PTPN13: variants seen among roughly 807,000 people sequenced by gnomAD.
PTPN13 encodes the protein tyrosine-protein phosphatase non-receptor type 13.
PTPN13 carries 191 observed loss-of-function variants against 284.0 expected under a neutral mutation model. The ratio of observed to expected loss-of-function variants is 0.67; its 90% CI spans 0.60 to 0.76. The LOEUF (loss-of-function observed/expected upper bound fraction) is 0.76, where lower values mean the gene tolerates loss of function less well. Ranked by LOEUF, PTPN13 falls within the 30% of genes least tolerant of loss-of-function variation. PTPN13 has a pLI of 0.00. For synonymous variants in PTPN13, 986 were observed against 1,022.3 expected, an observed-to-expected ratio of 0.96 and a Z score of 0.68; for missense variants, 2,797 against 2,939.9, an observed-to-expected ratio of 0.95 and a Z score of 1.12.
chr4:86,716,610 T>C lies in PTPN13; in HGVS notation c.1276T>C (p.Ser426Pro). The C allele has an allele frequency of 6.3e-7, 1 of 1,584,102 alleles. No homozygotes were observed. The highest frequency in any genetic ancestry group is 8.6e-7 in the Non-Finnish European group (1 of 1,162,718). Residue 426 changes from serine to proline, a missense_variant, in exon 8 of 48, where the codon TCA (serine) becomes CCA (proline). Transcript: ENST00000411767. ...SESPSIISSE[S>P]DFRQVRRSEA... ...AAGTCCATCTATTATTTCCTCTGAATCAGATTTCAGACAAGGTAGGAGGCA... is the reference window on the plus strand; with the variant it reads ...AAGTCCATCTATTATTTCCTCTGAACCAGATTTCAGACAAGGTAGGAGGCA...
chr4:86,698,955 T>TA (rs1412008006), intron 6 of PTPN13, among the ~76,000 whole-genome samples: 2 of 152,130 alleles, frequency 1.3e-5, no homozygotes, highest in African/African-American at 4.8e-5. Flanking sequence ...ATATTGAAAA[T>TA]ATGAGGAGAT....
At chr4:86,597,051 T>G (rs1232569021) in intron 1 of PTPN13, among the ~76,000 whole-genome samples, 1 of 152,098 alleles carries the variant, frequency 6.6e-6, no homozygotes, top group Non-Finnish European at 1.5e-5. Context: ...TACGACTCAT[T>G]TGAGTTAATA....
chr4:86,803,716 C>T lies in PTPN13; in HGVS notation c.6513C>T (p.Ser2171=). The T allele has an allele frequency of 1.2e-6, 2 of 1,613,520 alleles. No individual in the cohort carries two copies. Among genetic ancestry groups the T allele is most frequent in the Non-Finnish European group, 1.7e-6 (2 of 1,179,584 alleles). The change falls in exon 43 of 48, where the codon TCC becomes TCT. Residue 2171 remains serine, a synonymous_variant. Coordinates refer to ENST00000411767, the MANE Select transcript of PTPN13 (RefSeq NM_080683.3). ...TNHEDSDKDH[S]FLTNDELAVL... is the part of the protein sequence containing the mutation. ...TTGCTGTCTTCCTATTAGATCATTC[C>T]TTTCTGACAAACGATGAGCTCGCTG...
intron 46 of PTPN13, 46 bp from the exon 47 acceptor site, chr4:86,811,000 T>A (rs968768932): frequency 6.4e-7 from 1 of 1,550,842 alleles, no homozygotes; most frequent in Non-Finnish European, 8.9e-7. Context: ...GAGATTCAAA[T>A]CCAGTTATCC....
chr4:86,628,833 C>A (rs1028425361), intron 1 of PTPN13, among the ~76,000 whole-genome samples: 1 of 149,484 alleles, frequency 6.7e-6, no homozygotes, highest in South Asian at 2.2e-4. Flanking sequence ...GACATGAACT[C>A]ATCATTTTTT....
chr4:86,671,103 T>G (rs958373755), intron 2 of PTPN13, among the ~76,000 whole-genome samples: 1 of 152,212 alleles, frequency 6.6e-6, no homozygotes, highest in Non-Finnish European at 1.5e-5. Flanking sequence ...AAGACATGTC[T>G]CAGATTCATA....
intron 2 of PTPN13, among the ~76,000 whole-genome samples, chr4:86,637,626 A>G (rs1723185696): frequency 6.6e-6 from 1 of 151,608 alleles, no homozygotes; most frequent in Non-Finnish European, 1.5e-5. Context: ...ACAAAATTCA[A>G]CAACCCTTCA....
At chr4:86,752,988 A>G (rs1468381893) in intron 19 of PTPN13, 21 bp from the exon 20 acceptor site, 8 of 1,571,894 alleles carry the variant, frequency 5.1e-6, no homozygotes, top group Non-Finnish European at 7.0e-6. Context: ...TGAAATGTCT[A>G]ATATTTAATT....
chr4:86,812,747 GGAGGTGAGGTTA>G (rs1745380107), intron 47 of PTPN13, among the ~76,000 whole-genome samples: 1 of 152,060 alleles, frequency 6.6e-6, no homozygotes, highest in African/African-American at 2.4e-5. Context: ...GAGTGAAGGA[GGAGGTGAGGTTA>G]GAGGGGAGGT....
chr4:86,630,678 A>G (rs1445235240), intron 1 of PTPN13, among the ~76,000 whole-genome samples: 1 of 152,146 alleles, frequency 6.6e-6, no homozygotes, highest in Non-Finnish European at 1.5e-5. Flanking sequence ...AGTGGCATAC[A>G]CAGAGCTCCA....
At chr4:86,792,075 G>A (rs1031563698) in intron 40 of PTPN13, among the ~76,000 whole-genome samples, 27 of 152,050 alleles carry the variant, frequency 1.8e-4, no homozygotes, top group African/African-American at 6.3e-4. Context: ...AAAGGAGCAT[G>A]TTCTAACAAG....
intron 20 of PTPN13, among the ~76,000 whole-genome samples, chr4:86,754,797 A>G (rs1313018982): frequency 6.6e-6 from 1 of 152,110 alleles, no homozygotes; most frequent in African/African-American, 2.4e-5. Flanking sequence ...ATGAATTTAC[A>G]TTGGTTAGTT....
At chr4:86,737,994 C>G (rs1424638984) in intron 15 of PTPN13, among the ~76,000 whole-genome samples, 1 of 152,184 alleles carries the variant, frequency 6.6e-6, no homozygotes, top group Non-Finnish European at 1.5e-5. Flanking sequence ...TCCCAAAGTG[C>G]TGGGATACAG....
rs1229415494 is a variant in PTPN13, at chr4:86,673,404, T to TGGTATGACAAGAGGTATGGGTATG, written c.294+867_294+868insACAAGAGGTATGGGTATGGGTATG. 3.3e-5 allele frequency among the ~76,000 whole-genome samples: 5 copies of TGGTATGACAAGAGGTATGGGTATG among 152,196 alleles called. No individual in the cohort carries two copies. In the East Asian group the frequency reaches 9.7e-4, roughly 29 times the overall value. ...GAAAGGGCATTCTACTCAGAGTAAT[T>TGGTATGACAAGAGGTATGGGTATG]GGTATGGGTAATGACAAGAGGTAAG... On this transcript the variant is annotated intron_variant, in intron 3 of 47. Coordinates refer to ENST00000411767, the MANE Select transcript of PTPN13 (RefSeq NM_080683.3).
At chr4:86,707,424 T>C (rs1731886780) in intron 7 of PTPN13, among the ~76,000 whole-genome samples, 1 of 152,196 alleles carries the variant, frequency 6.6e-6, no homozygotes, top group South Asian at 2.1e-4. Context: ...GCTTAGACTC[T>C]ATGTTGTGCA....
chr4:86,662,735 C>T (rs1437507306), intron 2 of PTPN13, among the ~76,000 whole-genome samples: 2 of 152,182 alleles, frequency 1.3e-5, no homozygotes, highest in East Asian at 3.8e-4. Context: ...AGTTTGGATA[C>T]TCTTCAGGAA....
intron 1 of PTPN13, among the ~76,000 whole-genome samples, chr4:86,608,617 T>G (rs1037709834): frequency 1.3e-5 from 2 of 152,138 alleles, no homozygotes; most frequent in African/African-American, 4.8e-5. Flanking sequence ...TAATGGAAAC[T>G]GAGGTGCACT....
chr4:86,641,350 G>T (rs1348199613), intron 2 of PTPN13, among the ~76,000 whole-genome samples: 1 of 151,762 alleles, frequency 6.6e-6, no homozygotes, highest in African/African-American at 2.4e-5. Context: ...TTATCATCTT[G>T]AACTTGTACG....
chr4:86,617,638 T>C (rs1215914039), intron 1 of PTPN13, among the ~76,000 whole-genome samples: 1 of 152,160 alleles, frequency 6.6e-6, no homozygotes, highest in East Asian at 1.9e-4. Context: ...TGGTGTGAGA[T>C]GGTATCTCAT....
Sources: allele counts gnomAD v4.1 joint callset (sites outside exome capture counted in the v4.1 genomes callset), GRCh38; gene constraint gnomAD v4.1.1; transcripts MANE v1.5; gene names NCBI Gene and HGNC (gene_info 2026-07-23, HGNC 2026-07-21).